Variants in PPP1R13L observed in about 807,000 individuals in gnomAD.
PPP1R13L encodes the protein relA-associated inhibitor.
A neutral mutation model predicts 80.9 loss-of-function variants in PPP1R13L; 50 were observed. The ratio of observed to expected loss-of-function variants is 0.62; its 90% CI spans 0.49 to 0.78. The LOEUF (loss-of-function observed/expected upper bound fraction) is 0.78, where lower values mean the gene tolerates loss of function less well. Ranked by LOEUF, PPP1R13L falls within the 30% of genes least tolerant of loss-of-function variation. The pLI is 0.00. For missense variants in PPP1R13L, 1,200 were observed against 1,205.9 expected, an observed-to-expected ratio of 1.00 and a Z score of 0.07; for synonymous variants, 602 against 534.3, an observed-to-expected ratio of 1.13 and a Z score of -1.75.
chr19:45,395,981 A>G, intron 6 of PPP1R13L, 95 bp from the exon 7 acceptor site: 1 of 1,302,736 alleles, frequency 7.7e-7, no homozygotes, highest in Non-Finnish European at 1.1e-6. Context: ...AGGTGAGGGA[A>G]GCCCTGGGAG....
intron 1 of PPP1R13L, 105 bp downstream of exon 1, chr19:45,404,894 A>G: frequency 2.1e-5 from 15 of 704,998 alleles, no homozygotes; most frequent in Non-Finnish European, 2.6e-5. Flanking sequence ...GGCGCGCCCC[A>G]AATTCCGCCC....
intron 8 of PPP1R13L, among the ~76,000 whole-genome samples, chr19:45,390,679 G>C (rs560695389): frequency 6.6e-6 from 1 of 152,056 alleles, no homozygotes; most frequent in Non-Finnish European, 1.5e-5. Context: ...TCTTTAATCC[G>C]GTGTCTGAGG....
rs771544658 is a variant in PPP1R13L at position 45,392,158 on chromosome 19, C to T, written c.1537G>A (p.Val513Met). The change falls in exon 8 of 13, where the codon GTG (valine) becomes ATG (methionine). Residue 513 changes from valine to methionine, a missense_variant. Around this residue, in one of 5 missense-constraint regions of PPP1R13L, gnomAD observed 53 missense variants for 96.5 expected, o/e 0.55. Coordinates refer to ENST00000360957, the MANE Select transcript of PPP1R13L (RefSeq NM_006663.4). ...SVPELEEVARVLAEIPRPLKR... is the reference protein window; with the variant it reads ...SVPELEEVARMLAEIPRPLKR... ...AGGGGCCGGGGAATTTCCGCCAACA[C>T]CCGTGCCACCTCCTCCAGCTCGGGC... 1.3e-6 allele frequency: 2 copies of T among 1,596,102 alleles called. No individual in the cohort carries two copies. The highest frequency in any genetic ancestry group is 1.1e-5 in the South Asian group (1 of 88,700).
At chr19:45,388,247 G>A (rs1972907000) in intron 8 of PPP1R13L, among the ~76,000 whole-genome samples, 1 of 151,948 alleles carries the variant, frequency 6.6e-6, no homozygotes, top group Admixed American at 6.6e-5. Context: ...GTGTGATTTT[G>A]TCCTCTTTCT....
intron 1 of PPP1R13L, among the ~76,000 whole-genome samples, chr19:45,401,630 C>T (rs4803816): frequency 0.53 from 80,464 of 151,990 alleles, 23,560 homozygotes; most frequent in African/African-American, 0.76. Context: ...TTGGAAAGTT[C>T]TGAGTCCAAG....
Position 45,382,554 on chromosome 19 carries a change from C to A in PPP1R13L, c.2421G>T (p.Glu807Asp). The change falls in exon 12 of 13, where the codon GAG becomes GAT. Residue 807 changes from glutamate (E) to aspartate (D), a missense_variant. This residue lies in a region of PPP1R13L where 165 missense variants were observed against 177.1 expected (regional missense o/e 0.93). Coordinates refer to ENST00000360957, the MANE Select transcript of PPP1R13L (RefSeq NM_006663.4). Reference sequence around the variant, plus strand: ...CGAAGTAGTTCCGCGGCACGTAGCCCTCCTGGCCGTGCAGCGCGGCCCACC... The same window carrying A: ...CGAAGTAGTTCCGCGGCACGTAGCCATCCTGGCCGTGCAGCGCGGCCCACC... Reference protein sequence around the residue: ...DWWWAALHGQEGYVPRNYFGL... With the variant: ...DWWWAALHGQDGYVPRNYFGL... 6.2e-7 allele frequency: 1 copy of A among 1,613,282 alleles called. No individual in the cohort carries two copies. Among genetic ancestry groups the A allele is most frequent in the Non-Finnish European group, 8.5e-7 (1 of 1,179,774 alleles).
intron 11 of PPP1R13L, among the ~76,000 whole-genome samples, chr19:45,383,916 T>C (rs2123349874): frequency 6.6e-6 from 1 of 151,968 alleles, no homozygotes; most frequent in South Asian, 2.1e-4. Context: ...CCCACGCCGC[T>C]ACACCCGGCT....
intron 8 of PPP1R13L, among the ~76,000 whole-genome samples, chr19:45,390,622 C>T (rs947295316): frequency 6.6e-6 from 1 of 152,132 alleles, no homozygotes; most frequent in East Asian, 1.9e-4. Flanking sequence ...TCGGGGAGCT[C>T]GGCTCTTAAG....
At chr19:45,381,671 C>T (rs1972764582) in intron 12 of PPP1R13L, among the ~76,000 whole-genome samples, 1 of 151,878 alleles carries the variant, frequency 6.6e-6, no homozygotes, top group Non-Finnish European at 1.5e-5. Flanking sequence ...TGGCACATGC[C>T]TGTAATCCCA....
intron 1 of PPP1R13L, among the ~76,000 whole-genome samples, chr19:45,399,586 T>C (rs1206829099): frequency 6.6e-6 from 1 of 151,116 alleles, no homozygotes; most frequent in Non-Finnish European, 1.5e-5. Flanking sequence ...ATCGCGCCAC[T>C]GCACTCCAGC....
intron 7 of PPP1R13L, chr19:45,395,132 A>G (rs945946315): frequency 5.8e-6 from 2 of 344,142 alleles, no homozygotes; most frequent in Non-Finnish European, 1.1e-5. Context: ...GGCATGAGCC[A>G]CCGTGCCCGG....
chr19:45,391,105 G>A (rs1381329449), intron 8 of PPP1R13L, among the ~76,000 whole-genome samples: 1 of 152,048 alleles, frequency 6.6e-6, no homozygotes, highest in African/African-American at 2.4e-5. Flanking sequence ...AGCTAAAGCG[G>A]GAGGATGGCT....
At chr19:45,390,329 C>T (rs991190344) in intron 8 of PPP1R13L, among the ~76,000 whole-genome samples, 1 of 151,940 alleles carries the variant, frequency 6.6e-6, no homozygotes, top group African/African-American at 2.4e-5. Context: ...GAAAGCAAAA[C>T]GCTGGAAAAA....
chr19:45,393,895 AAAAT>A (rs1010198109), intron 7 of PPP1R13L, among the ~76,000 whole-genome samples: 15 of 152,196 alleles, frequency 9.9e-5, no homozygotes, highest in South Asian at 2.1e-4. Context: ...CTCTGTCTCA[AAAAT>A]AAATAAATAA....
At chr19:45,387,920 T>C (rs1972900950) in intron 8 of PPP1R13L, among the ~76,000 whole-genome samples, 1 of 151,980 alleles carries the variant, frequency 6.6e-6, no homozygotes. Context: ...ATCTCAGCAC[T>C]TTGGGAGGCT....
intron 6 of PPP1R13L, 111 bp from the exon 7 acceptor site, chr19:45,395,997 G>A (rs981246265): frequency 7.8e-7 from 1 of 1,283,616 alleles, no homozygotes; most frequent in African/African-American, 1.5e-5. Context: ...GGGAGTGAGG[G>A]AGAAGAAAGG....
Position 45,392,011 on chromosome 19 carries a change from G to C in PPP1R13L, c.1684C>G (p.Pro562Ala), listed in dbSNP as rs546903846. ...GTGATGGGGGACAGCTCTGGCTCCG[G>C]CCCCCCGGGCCCTGGCCCCCCATGA... is the stretch of plus-strand genomic sequence containing the variant. ...HRHGGPGPGG[P>A]EPELSPITEG... Residue 562 changes from proline to alanine, a missense_variant, in exon 8 of 13, where the codon CCG becomes GCG. Transcript: ENST00000360957. The C allele has an allele frequency of 9.8e-6, 15 of 1,537,334 alleles. No individual in the cohort carries two copies. In the East Asian group the frequency reaches 3.2e-4, roughly 32 times the overall value.
intron 11 of PPP1R13L, among the ~76,000 whole-genome samples, chr19:45,383,740 C>T (rs1487777505): frequency 6.6e-6 from 1 of 152,060 alleles, no homozygotes; most frequent in African/African-American, 2.4e-5. Context: ...TAAGTTGGCT[C>T]ATCTGCCTCT....
chr19:45,395,707 G>A lies in PPP1R13L; in HGVS notation c.1083C>T (p.Pro361=), dbSNP rs757492909. 2 of 1,467,026 alleles carry A rather than the reference G, an allele frequency of 1.4e-6. No individual in the cohort carries two copies. The highest frequency in any genetic ancestry group is 1.8e-6 in the Non-Finnish European group (2 of 1,116,936). The allele number at this position is 1,467,026 out of a possible 1,614,324, so 90.9% of individuals were successfully genotyped here. ...TGGGACGCTGGCGCGGGGCCCCGCG[G>A]GGCTGGGGGCTGGAGGGGGGCATGG... The part of the protein sequence containing the change: ...RIPMPPSSPQ[P]RGAPRQRPIP... Residue 361 remains proline (P), a synonymous_variant, in exon 7 of 13, where the codon CCC becomes CCT. Transcript: ENST00000360957.
Sources: allele counts gnomAD v4.1 joint callset (sites outside exome capture counted in the v4.1 genomes callset), GRCh38; gene constraint gnomAD v4.1.1; regional missense constraint gnomAD v4.1.1; transcripts MANE v1.5; gene names NCBI Gene and HGNC (gene_info 2026-07-23, HGNC 2026-07-21).